Variants in MINDY4 observed in about 807,000 individuals in gnomAD.
The protein encoded by MINDY4 is MINDY lysine 48 deubiquitinase 4, also known as probable ubiquitin carboxyl-terminal hydrolase MINDY-4.
A neutral mutation model predicts 87.0 loss-of-function variants in MINDY4; 68 were observed. The ratio of observed to expected loss-of-function variants is 0.78; its 90% CI spans 0.64 to 0.96. The LOEUF is 0.96. Ranked by LOEUF, MINDY4 falls within the 40% of genes least tolerant of loss-of-function variation. MINDY4 has a pLI of 0.00. For missense variants in MINDY4, 919 were observed against 928.2 expected (o/e 0.99, Z 0.13); for synonymous variants, 379 against 363.2 (o/e 1.04, Z -0.50).
chr7:30,813,864 T>G (rs1455944101), intron 5 of MINDY4, among the ~76,000 whole-genome samples: 1 of 152,228 alleles, frequency 6.6e-6, no homozygotes, highest in Non-Finnish European at 1.5e-5. Context: ...TTCTCTGTGC[T>G]TTGGGTGTAG....
intron 1 of MINDY4, among the ~76,000 whole-genome samples, chr7:30,772,180 C>T (rs1483705226): frequency 6.6e-6 from 1 of 151,852 alleles, no homozygotes; most frequent in Non-Finnish European, 1.5e-5. Context: ...GGAAGGAGCT[C>T]GCCGGGGGGT....
chr7:30,804,644 A>G (rs1362466085), intron 5 of MINDY4, among the ~76,000 whole-genome samples: 2 of 152,212 alleles, frequency 1.3e-5, no homozygotes, highest in South Asian at 2.1e-4. Context: ...AGTCCTCACT[A>G]TCTGACTGGC....
At position 30,834,961 on chromosome 7, in the gene MINDY4, T is replaced by C. The variant is rs189341777; in HGVS notation, c.1133-1697T>C. On this transcript the variant is annotated intron_variant, in intron 6 of 17. Coordinates refer to ENST00000265299, the MANE Select transcript of MINDY4 (RefSeq NM_032222.3). ...GCATTTTTGTCAAAGCCATTCAACA[T>C]GTCTCTAGGAAGTTTCAAACTTTCC... 1.4e-4 allele frequency among the ~76,000 whole-genome samples: 21 copies of C among 152,352 alleles called. 1 individual carries two copies. The East Asian group carries it at 3.3e-3, about 24-fold the overall frequency.
At chr7:30,888,660 G>A (rs1584362055) in intron 17 of MINDY4, among the ~76,000 whole-genome samples, 1 of 152,144 alleles carries the variant, frequency 6.6e-6, no homozygotes, top group Non-Finnish European at 1.5e-5. Context: ...GGAACGATTC[G>A]ATTCGTCCCC....
rs185804277 is a variant in MINDY4, at chr7:30,819,205, A to G, written c.1074-9474A>G. On this transcript the variant is annotated intron_variant, in intron 5 of 17. Transcript: ENST00000265299. ...TGCTATACACTGCCCTCTCCATATT[A>G]CTTTAACTGCTTCCCGTAAGACTTT... is the stretch of plus-strand genomic sequence containing the variant. Among the ~76,000 whole-genome samples the G allele has an allele frequency of 4.6e-5, 7 of 152,240 alleles. No individual in the cohort carries two copies. The East Asian group carries it at 1.3e-3, about 29-fold the overall frequency.
intron 5 of MINDY4, among the ~76,000 whole-genome samples, chr7:30,818,135 G>GA (rs1788214084): frequency 6.6e-6 from 1 of 151,286 alleles, no homozygotes; most frequent in Non-Finnish European, 1.5e-5. Context: ...TATTTTTAAA[G>GA]AAACATATAT....
intron 13 of MINDY4, among the ~76,000 whole-genome samples, chr7:30,862,064 T>A (rs1452803545): frequency 6.6e-6 from 1 of 152,230 alleles, no homozygotes; most frequent in African/African-American, 2.4e-5. Flanking sequence ...AAGCTTGTAG[T>A]TAAACTGAGG....
At chr7:30,876,119 G>C (rs535218444) in intron 15 of MINDY4, among the ~76,000 whole-genome samples, 1 of 152,192 alleles carries the variant, frequency 6.6e-6, no homozygotes, top group Admixed American at 6.5e-5. Flanking sequence ...GAAAGGCCAT[G>C]CTCCCTCTGA....
intron 5 of MINDY4, among the ~76,000 whole-genome samples, chr7:30,805,151 G>T (rs977397937): frequency 6.6e-6 from 1 of 152,224 alleles, no homozygotes; most frequent in East Asian, 1.9e-4. Flanking sequence ...ACTGGCAGCA[G>T]GGCCCCTGCC....
At position 30,840,819 on chromosome 7, in the gene MINDY4, T is replaced by G. The variant is rs540590612; in HGVS notation, c.1416T>G (p.Phe472Leu). 1 of 1,614,160 alleles carries G rather than the reference T, an allele frequency of 6.2e-7. No homozygotes were observed. ...GCTGTGTCCTACAGAAACTCCTGTT[T>G]GAAGGAGATAGCAAAGCCGACTGTG... ...VQGCVLQKLL[F>L]EGDSKADCAQ... is the part of the protein sequence containing the mutation. Residue 472 changes from phenylalanine to leucine, a missense_variant, in exon 9 of 18, where the codon TTT becomes TTG. Phe to Leu is a conservative substitution (Grantham distance 22, BLOSUM62 0). Coordinates refer to ENST00000265299, the MANE Select transcript of MINDY4 (RefSeq NM_032222.3).
chr7:30,843,479 G>A (rs1437389674), intron 9 of MINDY4, among the ~76,000 whole-genome samples: 1 of 152,284 alleles, frequency 6.6e-6, no homozygotes, highest in South Asian at 2.1e-4. Context: ...GAACTTCACC[G>A]TGGGCTTCTG....
chr7:30,872,861 C>T (rs2128578777), intron 14 of MINDY4, among the ~76,000 whole-genome samples: 1 of 152,360 alleles, frequency 6.6e-6, no homozygotes, highest in Admixed American at 6.5e-5. Context: ...CAAGATGTTA[C>T]CTAGTGAGCA....
chr7:30,864,645 G>T (rs183126978), intron 13 of MINDY4, among the ~76,000 whole-genome samples: 1 of 152,236 alleles, frequency 6.6e-6, no homozygotes, highest in Admixed American at 6.5e-5. Flanking sequence ...TGTGATTGCC[G>T]TGGCCAGGCC....
intron 5 of MINDY4, among the ~76,000 whole-genome samples, chr7:30,805,076 T>G (rs113661418): frequency 3.3e-4 from 50 of 152,312 alleles, no homozygotes; most frequent in African/African-American, 1.1e-3. Flanking sequence ...TGGGTTCTGT[T>G]GTTTTTTAAC....
At chr7:30,782,236 T>C (rs1025666053) in intron 3 of MINDY4, 24 bp downstream of exon 3, 2 of 1,576,728 alleles carry the variant, frequency 1.3e-6, no homozygotes, top group Non-Finnish European at 1.7e-6. Context: ...TTATTATGTT[T>C]ATTAGTTTCC....
intron 9 of MINDY4, among the ~76,000 whole-genome samples, chr7:30,845,764 C>G (rs1789193573): frequency 6.6e-6 from 1 of 152,162 alleles, no homozygotes; most frequent in Non-Finnish European, 1.5e-5. Context: ...TGGGATCGCA[C>G]CCTCCAGGGA....
In MINDY4 at chr7:30,874,612, G is replaced by A. The variant is rs1790206114; in HGVS notation, c.1810-883G>A. Among the ~76,000 whole-genome samples the A allele has an allele frequency of 2.6e-5, 4 of 152,214 alleles. No homozygotes were observed. In the South Asian group the frequency reaches 8.3e-4, roughly 32 times the overall value. ...TGGCATGCTTGTTGGCTTGCCAGGTGTGTAGCTTGAGTCACAGGACCACCC... is the reference window on the plus strand; with the variant it reads ...TGGCATGCTTGTTGGCTTGCCAGGTATGTAGCTTGAGTCACAGGACCACCC... On this transcript the variant is annotated intron_variant, in intron 14 of 17. Transcript: ENST00000265299.
At chr7:30,877,972 G>A (rs912886857) in intron 15 of MINDY4, among the ~76,000 whole-genome samples, 4 of 151,236 alleles carry the variant, frequency 2.6e-5, no homozygotes, top group South Asian at 4.2e-4. Context: ...GAGCCACTGC[G>A]CCTGGCCCCT....
chr7:30,860,373 T>G (rs1260644545), intron 13 of MINDY4, among the ~76,000 whole-genome samples: 1 of 152,084 alleles, frequency 6.6e-6, no homozygotes. Flanking sequence ...CTTCTGACCT[T>G]ATTAAATGCG....
Sources: allele counts gnomAD v4.1 joint callset (sites outside exome capture counted in the v4.1 genomes callset), GRCh38; gene constraint gnomAD v4.1.1; transcripts MANE v1.5; gene names NCBI Gene and HGNC (gene_info 2026-07-23, HGNC 2026-07-21).